MSX1: variants seen among roughly 807,000 people sequenced by gnomAD.
MSX1 encodes the protein homeobox protein MSX-1.
MSX1 carries 11 observed loss-of-function variants against 17.0 expected under a neutral mutation model. The observed-to-expected ratio is 0.65, with a 90% confidence interval of 0.41 to 1.07. MSX1 has a LOEUF of 1.07. Ranked by LOEUF, MSX1 falls within the 50% of genes least tolerant of loss-of-function variation. The pLI is 0.00. For missense variants in MSX1, 477 were observed against 440.1 expected, an observed-to-expected ratio of 1.08 and a Z score of -0.75; for synonymous variants, 253 against 211.8, an observed-to-expected ratio of 1.19 and a Z score of -1.69.
intron 1 of MSX1, chr4:4,862,351 G>C (rs1305827848): frequency 4.3e-6 from 2 of 462,956 alleles, no homozygotes; most frequent in Non-Finnish European, 8.1e-6. Flanking sequence ...GGCCCTGGGA[G>C]GAGGCCCGCC....
chr4:4,863,068 G>A lies in MSX1; in HGVS notation c.837G>A (p.Gln279=). 6.2e-7 allele frequency: 1 copy of A among 1,608,434 alleles called. No homozygotes were observed. Among genetic ancestry groups the A allele is most frequent in the Non-Finnish European group, 8.5e-7 (1 of 1,178,200 alleles). ...ASLYGASGPF[Q]RAALPVAPVG... is the part of the protein sequence containing the mutation. Reference sequence around the variant, plus strand: ...TCTACGGTGCCTCTGGCCCCTTCCAGCGCGCCGCGCTGCCTGTGGCGCCCG... The same window carrying A: ...TCTACGGTGCCTCTGGCCCCTTCCAACGCGCCGCGCTGCCTGTGGCGCCCG... The change falls in exon 2 of 2, where the codon CAG becomes CAA. Residue 279 remains glutamine (Q), a synonymous_variant. Transcript: ENST00000382723.
In MSX1 at chr4:4,862,738, C is replaced by A; in HGVS notation, c.507C>A (p.His169Gln). ...CCCCAGCCTGCACCCTCCGCAAACA[C>A]AAGACGAACCGTAAGCCGCGGACGC... ...LSPPACTLRK[H>Q]KTNRKPRTPF... is the part of the protein sequence containing the mutation. Residue 169 changes from histidine (H) to glutamine (Q), a missense_variant, in exon 2 of 2, where the codon CAC (histidine) becomes CAA (glutamine). His to Gln is a conservative substitution (Grantham distance 24). This residue lies in a region of MSX1 where 355 missense variants were observed against 306.1 expected (regional missense o/e 1.16). Coordinates refer to ENST00000382723, the MANE Select transcript of MSX1 (RefSeq NM_002448.3). The A allele has an allele frequency of 6.2e-7, 1 of 1,613,422 alleles. No homozygotes were observed. The highest frequency in any genetic ancestry group is 8.5e-7 in the Non-Finnish European group (1 of 1,180,032).
At position 4,863,095 on chromosome 4, in the gene MSX1, G is replaced by T. The variant is rs1289824489; in HGVS notation, c.864G>T (p.Val288=). ...FQRAALPVAP[V]GLYTAHVGYS... ...GCGCCGCGCTGCCTGTGGCGCCCGTGGGACTCTACACGGCCCATGTGGGCT... is the reference window on the plus strand; with the variant it reads ...GCGCCGCGCTGCCTGTGGCGCCCGTTGGACTCTACACGGCCCATGTGGGCT... Residue 288 remains valine (V), a synonymous_variant, in exon 2 of 2, where the codon GTG becomes GTT. Transcript: ENST00000382723. The T allele has an allele frequency of 1.9e-6, 3 of 1,609,420 alleles. No individual in the cohort carries two copies. The African/African-American group carries it at 4.0e-5, about 22-fold the overall frequency.
chr4:4,863,205 G>T lies in MSX1; in HGVS notation c.*62G>T. On this transcript the variant is annotated 3_prime_UTR_variant, in exon 2 of 2. Coordinates refer to ENST00000382723, the MANE Select transcript of MSX1 (RefSeq NM_002448.3). Reference sequence around the variant, plus strand: ...CCTCCAGCCCTGGTGCTGTACCCCCGACGTGCTCCCCTGCTCGGCACCGCC... The same window carrying T: ...CCTCCAGCCCTGGTGCTGTACCCCCTACGTGCTCCCCTGCTCGGCACCGCC... 6.6e-7 allele frequency: 1 copy of T among 1,514,376 alleles called. No homozygotes were observed. Among genetic ancestry groups the T allele is most frequent in the South Asian group, 1.2e-5 (1 of 84,292 alleles). The allele number at this position is 1,514,376 out of a possible 1,614,324, so 93.8% of individuals were successfully genotyped here.
At position 4,863,035 on chromosome 4, in the gene MSX1, T is replaced by C. The variant is rs773256481; in HGVS notation, c.804T>C (p.Gly268=). ...CCGCAGCTGTAGCGGCCGCGGCGGG[T>C]GCCTCGCTCTACGGTGCCTCTGGCC... ...GGPAAVAAAA[G]ASLYGASGPF... The change falls in exon 2 of 2, where the codon GGT becomes GGC. Residue 268 remains glycine (G), a synonymous_variant. Transcript: ENST00000382723. 6.2e-7 allele frequency: 1 copy of C among 1,606,940 alleles called. No homozygotes were observed. The highest frequency in any genetic ancestry group is 8.5e-7 in the Non-Finnish European group (1 of 1,177,550).
At position 4,859,998 on chromosome 4, in the gene MSX1, C is replaced by G; in HGVS notation, c.99C>G (p.Pro33=). 1 of 1,495,846 alleles carries G rather than the reference C, an allele frequency of 6.7e-7. No individual in the cohort carries two copies. Among genetic ancestry groups the G allele is most frequent in the South Asian group, 1.3e-5 (1 of 77,288 alleles). The allele number at this position is 1,495,846 out of a possible 1,614,324, so 92.7% of individuals were successfully genotyped here. Reference sequence around the variant, plus strand: ...CGGGGGGAGGCGCGGGCCAGGCCCCCAGCGCCGCCGCGGCCACGGCAGCCG... The same window carrying G: ...CGGGGGGAGGCGCGGGCCAGGCCCCGAGCGCCGCCGCGGCCACGGCAGCCG... The part of the protein sequence containing the change: ...KPAGGGAGQA[P]SAAAATAAAM... The change falls in exon 1 of 2, where the codon CCC becomes CCG. Residue 33 remains proline, a synonymous_variant. Transcript: ENST00000382723.
rs1431748699 is a variant in MSX1, at chr4:4,863,240, C to A, written c.*97C>A. On this transcript the variant is annotated 3_prime_UTR_variant, in exon 2 of 2. Coordinates refer to ENST00000382723, the MANE Select transcript of MSX1 (RefSeq NM_002448.3). ...CCTGCTCGGCACCGCCAGCCGCCTT[C>A]CCTTTAACCCTCACACTGCTCCAGT... 11 of 1,254,428 alleles carry A rather than the reference C, an allele frequency of 8.8e-6. No individual in the cohort carries two copies. Among genetic ancestry groups the A allele is most frequent in the African/African-American group, 1.5e-5 (1 of 67,478 alleles). The allele number at this position is 1,254,428 out of a possible 1,614,324, so 77.7% of individuals were successfully genotyped here. A position where few individuals can be genotyped will look rare whatever the true frequency, so the allele number is the denominator to read the frequency against.
At position 4,860,101 on chromosome 4, in the gene MSX1, G is replaced by A. The variant is rs1737873439; in HGVS notation, c.202G>A (p.Ala68Thr). The change falls in exon 1 of 2, where the codon GCC (alanine) becomes ACC (threonine). Residue 68 changes from alanine (A) to threonine (T), a missense_variant. Ala to Thr is a moderately conservative substitution (Grantham distance 58). Transcript: ENST00000382723. ...GCCCTTCAGCGTGGAGGCGCTCATG[G>A]CCGACCACAGGAAGCCGGGGGCCAA... ...LLPFSVEALM[A>T]DHRKPGAKES... The A allele has an allele frequency of 2.6e-6, 4 of 1,518,600 alleles. No individual in the cohort carries two copies. Among genetic ancestry groups the A allele is most frequent in the South Asian group, 1.2e-5 (1 of 81,306 alleles). 94.1% of individuals were successfully genotyped at this position (1,518,600 alleles called of 1,614,324 possible). A position where few individuals can be genotyped will look rare whatever the true frequency, so the allele number is the denominator to read the frequency against.
In MSX1 at chr4:4,863,708, T is replaced by C. The variant is rs571608529; in HGVS notation, c.*565T>C. 3 of 151,364 alleles carry C rather than the reference T, an allele frequency of 2.0e-5. No individual in the cohort carries two copies. The highest frequency in any genetic ancestry group is 6.6e-5 in the Admixed American group (1 of 15,146). The allele number at this position is 151,364 out of a possible 1,614,324, so 9.4% of individuals were successfully genotyped here. A position where few individuals can be genotyped will look rare whatever the true frequency, so the allele number is the denominator to read the frequency against. On this transcript the variant is annotated 3_prime_UTR_variant, in exon 2 of 2. Transcript: ENST00000382723. The stretch of plus-strand genomic sequence containing the variant: ...CTGGGGGGCAGGGAAAACACAGATG[T>C]GTTGCAAAGGTAGGTTGAAGGGACC...
At position 4,860,074 on chromosome 4, in the gene MSX1, C is replaced by T; in HGVS notation, c.175C>T (p.Leu59=). Residue 59 remains leucine, a synonymous_variant, in exon 1 of 2, where the codon CTG becomes TTG. Coordinates refer to ENST00000382723, the MANE Select transcript of MSX1 (RefSeq NM_002448.3). Reference sequence around the variant, plus strand: ...CAAGCCCAAAGTGTCCCCTTCGCTCCTGCCCTTCAGCGTGGAGGCGCTCAT... The same window carrying T: ...CAAGCCCAAAGTGTCCCCTTCGCTCTTGCCCTTCAGCGTGGAGGCGCTCAT... ...GAKPKVSPSL[L]PFSVEALMAD... The T allele has an allele frequency of 1.3e-6, 2 of 1,522,478 alleles. No homozygotes were observed. Among genetic ancestry groups the T allele is most frequent in the South Asian group, 2.5e-5 (2 of 81,274 alleles). The allele number at this position is 1,522,478 out of a possible 1,614,324, so 94.3% of individuals were successfully genotyped here.
chr4:4,862,985 G>C lies in MSX1; in HGVS notation c.754G>C (p.Gly252Arg), dbSNP rs140231550. The part of the protein sequence containing the change: ...AKPMLPPAAF[G>R]LSFPLGGPAA... ...GCCCATGCTGCCACCGGCTGCCTTCGGCCTCTCCTTCCCTCTCGGCGGCCC... is the reference window on the plus strand; with the variant it reads ...GCCCATGCTGCCACCGGCTGCCTTCCGCCTCTCCTTCCCTCTCGGCGGCCC... Residue 252 changes from glycine to arginine, a missense_variant, in exon 2 of 2, where the codon GGC becomes CGC. By Grantham distance (125) the Gly-to-Arg change is moderately radical. Transcript: ENST00000382723. 2 of 1,612,940 alleles carry C rather than the reference G, an allele frequency of 1.2e-6. No individual in the cohort carries two copies. The highest frequency in any genetic ancestry group is 1.7e-6 in the Non-Finnish European group (2 of 1,179,950).
rs1042978793 is a variant in MSX1 at position 4,859,693 on chromosome 4, G to C, written c.-207G>C. On this transcript the variant is annotated 5_prime_UTR_variant, in exon 1 of 2. Transcript: ENST00000382723. Reference sequence around the variant, plus strand: ...GCCCGGAGCCGGCGAGTGCTCCCGGGAACTCTGCCTGCGCGGCGGCAGCGA... The same window carrying C: ...GCCCGGAGCCGGCGAGTGCTCCCGGCAACTCTGCCTGCGCGGCGGCAGCGA... 2 of 206,848 alleles carry C rather than the reference G, an allele frequency of 9.7e-6. No individual in the cohort carries two copies. The highest frequency in any genetic ancestry group is 1.9e-5 in the Non-Finnish European group (2 of 108,080). 12.8% of individuals were successfully genotyped at this position (206,848 alleles called of 1,614,324 possible).
At chr4:4,862,626 T>C (rs1046524127) in intron 1 of MSX1, 75 bp from the exon 2 acceptor site, 9 of 1,542,166 alleles carry the variant, frequency 5.8e-6, no homozygotes, top group Non-Finnish European at 8.0e-6. Flanking sequence ...TTGGCTATTA[T>C]TACTACTTCT....
Position 4,860,063 on chromosome 4 carries a change from C to T in MSX1, c.164C>T (p.Ser55Phe), listed in dbSNP as rs1341926891. 4 of 1,520,132 alleles carry T rather than the reference C, an allele frequency of 2.6e-6. No homozygotes were observed. The highest frequency in any genetic ancestry group is 3.5e-6 in the Non-Finnish European group (4 of 1,135,540). 94.2% of individuals were successfully genotyped at this position (1,520,132 alleles called of 1,614,324 possible). The change falls in exon 1 of 2, where the codon TCC (serine) becomes TTC (phenylalanine). Residue 55 changes from serine to phenylalanine, a missense_variant. By Grantham distance (155) the Ser-to-Phe change is radical. This residue lies in a region of MSX1 where 355 missense variants were observed against 306.1 expected (regional missense o/e 1.16). Transcript: ENST00000382723. ...GAGGAGGGGGCCAAGCCCAAAGTGT[C>T]CCCTTCGCTCCTGCCCTTCAGCGTG... ...ADEEGAKPKV[S>F]PSLLPFSVEA...
chr4:4,862,732 C>T lies in MSX1; in HGVS notation c.501C>T (p.Arg167=), dbSNP rs574455216. The T allele has an allele frequency of 2.3e-5, 37 of 1,613,348 alleles. No homozygotes were observed. Among genetic ancestry groups the T allele is most frequent in the Non-Finnish European group, 3.1e-5 (37 of 1,180,042 alleles). The change falls in exon 2 of 2, where the codon CGC becomes CGT. Residue 167 remains arginine (R), a synonymous_variant. Transcript: ENST00000382723. ...TGAGCCCCCCAGCCTGCACCCTCCG[C>T]AAACACAAGACGAACCGTAAGCCGC... is the stretch of plus-strand genomic sequence containing the variant. ...RRLSPPACTL[R]KHKTNRKPRT...
chr4:4,862,641 C>G (rs1737943176), intron 1 of MSX1, 60 bp from the exon 2 acceptor site: 1 of 1,581,072 alleles, frequency 6.3e-7, no homozygotes, highest in Non-Finnish European at 8.6e-7. Context: ...ACTTCTTGGG[C>G]TGATCATGCT....
At chr4:4,862,215 T>G (rs1457089780) in intron 1 of MSX1, among the ~76,000 whole-genome samples, 1 of 152,230 alleles carries the variant, frequency 6.6e-6, no homozygotes, top group African/African-American at 2.4e-5. Context: ...AGCCCCACAC[T>G]GAAGCACTCC....
rs1001828551 is a variant in MSX1, at chr4:4,860,022, C to T, written c.123C>T (p.Ala41=). Reference sequence around the variant, plus strand: ...CCAGCGCCGCCGCGGCCACGGCAGCCGCCATGGGCGCGGACGAGGAGGGGG... The same window carrying T: ...CCAGCGCCGCCGCGGCCACGGCAGCTGCCATGGGCGCGGACGAGGAGGGGG... ...QAPSAAAATA[A]AMGADEEGAK... is the part of the protein sequence containing the mutation. Residue 41 remains alanine (A), a synonymous_variant, in exon 1 of 2, where the codon GCC becomes GCT. Transcript: ENST00000382723. 3 of 1,503,918 alleles carry T rather than the reference C, an allele frequency of 2.0e-6. No individual in the cohort carries two copies. The highest frequency in any genetic ancestry group is 1.3e-5 in the South Asian group (1 of 78,916). 93.2% of individuals were successfully genotyped at this position (1,503,918 alleles called of 1,614,324 possible). A position where few individuals can be genotyped will look rare whatever the true frequency, so the allele number is the denominator to read the frequency against.
At chr4:4,861,245 T>C (rs1024834009) in intron 1 of MSX1, among the ~76,000 whole-genome samples, 1 of 152,242 alleles carries the variant, frequency 6.6e-6, no homozygotes, top group African/African-American at 2.4e-5. Flanking sequence ...AGTCCCTCCC[T>C]AAGCCTAATG....
Sources: gnomAD v4.1 joint callset for allele counts (sites outside exome capture counted in the v4.1 genomes callset) on GRCh38, gnomAD v4.1.1 for gene constraint, gnomAD v4.1.1 regional missense constraint, MANE v1.5 for transcripts, NCBI Gene and HGNC (gene_info 2026-07-23, HGNC 2026-07-21) for gene names.